The following SFMBT2 variants were observed in gnomAD, a reference collection of about 807,000 sequenced individuals.
The protein encoded by SFMBT2 is scm-like with four MBT domains protein 2.
SFMBT2 carries 38 observed loss-of-function variants against 110.1 expected under a neutral mutation model. The ratio of observed to expected loss-of-function variants is 0.35; its 90% CI spans 0.27 to 0.45. The LOEUF is 0.45. SFMBT2 is among the 20% of genes least tolerant of loss of function. The pLI is 1.00. For missense variants in SFMBT2, 1,011 were observed against 1,094.9 expected, an observed-to-expected ratio of 0.92 and a Z score of 1.08; for synonymous variants, 425 against 425.4, an observed-to-expected ratio of 1.00 and a Z score of 0.01.
At position 7,184,421 on chromosome 10, in the gene SFMBT2, C is replaced by T. The variant is rs1173781157; in HGVS notation, c.1808+4203G>A. On this transcript the variant is annotated intron_variant, in intron 16 of 20. Transcript: ENST00000397167. The stretch of plus-strand genomic sequence containing the variant: ...TTGTCTGCCACCATGTGAGATGTGC[C>T]TTTCACCTTCCGCTGTGATTATGAG... 1.3e-5 allele frequency among the ~76,000 whole-genome samples: 2 copies of T among 152,116 alleles called. 1 individual carries two copies. Among genetic ancestry groups the T allele is most frequent in the African/African-American group, 4.8e-5 (2 of 41,428 alleles).
chr10:7,269,707 AGTGTGTGCGTGTGTGTGTGTGTGT>A (rs1194617780), intron 7 of SFMBT2, among the ~76,000 whole-genome samples: 1,481 of 146,410 alleles, frequency 0.01, 9 homozygotes, highest in Middle Eastern at 0.032. Context: ...AAAGCAAGTA[AGTGTGTGCGTGTGTGTGTGTGTGT>A]GTGTGTGTGT....
intron 4 of SFMBT2, among the ~76,000 whole-genome samples, chr10:7,315,038 G>A (rs868629898): frequency 2.8e-4 from 23 of 82,246 alleles, no homozygotes; most frequent in South Asian, 9.0e-4. Flanking sequence ...AAGAAAGAAA[G>A]AGAAAGAAAG....
intron 12 of SFMBT2, chr10:7,204,082 A>G (rs772443125): frequency 2.5e-5 from 6 of 235,400 alleles, no homozygotes; most frequent in Non-Finnish European, 4.2e-5. Context: ...ATTATTGTAC[A>G]CTCAATGTTT....
At chr10:7,309,016 G>A (rs1842773225) in intron 4 of SFMBT2, among the ~76,000 whole-genome samples, 1 of 152,222 alleles carries the variant, frequency 6.6e-6, no homozygotes, top group African/African-American at 2.4e-5. Context: ...AATTTTATGT[G>A]TCAACTTGAC....
intron 11 of SFMBT2, among the ~76,000 whole-genome samples, chr10:7,213,000 C>T (rs772641614): frequency 4.6e-5 from 7 of 151,984 alleles, no homozygotes; most frequent in Non-Finnish European, 7.4e-5. Context: ...AAACACTGTA[C>T]GTTCTCACTC....
chr10:7,204,093 T>C, intron 12 of SFMBT2: 2 of 229,692 alleles, frequency 8.7e-6, no homozygotes, highest in Non-Finnish European at 1.4e-5. Flanking sequence ...CTCAATGTTT[T>C]AGAAATATTT....
At chr10:7,222,583 C>G (rs1378348762) in intron 10 of SFMBT2, among the ~76,000 whole-genome samples, 1 of 152,076 alleles carries the variant, frequency 6.6e-6, no homozygotes, top group African/African-American at 2.4e-5. Flanking sequence ...TGTTAATTAC[C>G]TAACACAAAC....
chr10:7,381,012 G>A lies in SFMBT2; in HGVS notation c.100+787C>T, dbSNP rs568253930. ...TGCAGTGAGCCATGATTGCACCACCGTACTCCAACCTGGGCAACAGGTGAG... is the reference window on the plus strand; with the variant it reads ...TGCAGTGAGCCATGATTGCACCACCATACTCCAACCTGGGCAACAGGTGAG... On this transcript the variant is annotated intron_variant, in intron 2 of 20. Transcript: ENST00000397167. 4.0e-4 allele frequency among the ~76,000 whole-genome samples: 61 copies of A among 152,112 alleles called. No individual in the cohort carries two copies. The Middle Eastern group carries it at 0.01, about 26-fold the overall frequency.
chr10:7,342,396 CTTTTTTTTTTTTTTT>C (rs71382101), intron 4 of SFMBT2, among the ~76,000 whole-genome samples: 11 of 69,664 alleles, frequency 1.6e-4, no homozygotes, highest in South Asian at 1.5e-3. Flanking sequence ...TGGAGTGAGT[CTTTTTTTTTTTTTTT>C]TTTTTTTTTT....
intron 7 of SFMBT2, among the ~76,000 whole-genome samples, chr10:7,272,943 C>A (rs988065043): frequency 6.6e-6 from 1 of 152,200 alleles, no homozygotes; most frequent in African/African-American, 2.4e-5. Flanking sequence ...CAGATGCATG[C>A]CACCATGCCC....
Position 7,163,739 on chromosome 10 carries a change from A to C in SFMBT2, c.*31T>G. 1 of 1,598,818 alleles carries C rather than the reference A, an allele frequency of 6.3e-7. No homozygotes were observed. The highest frequency in any genetic ancestry group is 8.6e-7 in the Non-Finnish European group (1 of 1,167,690). On this transcript the variant is annotated 3_prime_UTR_variant, in exon 21 of 21. Transcript: ENST00000397167. This position sits in a 1 kb window ranked among gnomAD's most constrained non-coding sequence, Gnocchi z 4.8. ...GAAACCTTTACCAACACCGCATCCCAGCAATAATGGGCCACCTCCCGAGGG... is the reference window on the plus strand; with the variant it reads ...GAAACCTTTACCAACACCGCATCCCCGCAATAATGGGCCACCTCCCGAGGG...
intron 15 of SFMBT2, among the ~76,000 whole-genome samples, chr10:7,192,836 A>T (rs1006128772): frequency 6.6e-6 from 1 of 152,258 alleles, no homozygotes; most frequent in Admixed American, 6.5e-5. Context: ...GGCACACCGC[A>T]TTCTGGTTCA....
Position 7,170,274 on chromosome 10 carries a change from AT to A in SFMBT2, c.2544+653del, listed in dbSNP as rs995107149. ...TGGAGCTGAAGAAGCTGCAACCCAGATTTGCCAAAAGGCACTGACAGGAGGC... is the reference window on the plus strand; with the variant it reads ...TGGAGCTGAAGAAGCTGCAACCCAGATTGCCAAAAGGCACTGACAGGAGGC... On this transcript the variant is annotated intron_variant, in intron 20 of 20. Coordinates refer to ENST00000397167, the MANE Select transcript of SFMBT2 (RefSeq NM_001387889.1). This position sits in a 1 kb window ranked among gnomAD's most constrained non-coding sequence, Gnocchi z 4.6. 6.6e-5 allele frequency among the ~76,000 whole-genome samples: 10 copies of A among 152,220 alleles called. No individual in the cohort carries two copies. In the East Asian group the frequency reaches 1.4e-3, roughly 21 times the overall value.
intron 11 of SFMBT2, among the ~76,000 whole-genome samples, chr10:7,212,602 G>A (rs745953135): frequency 2.6e-5 from 4 of 152,162 alleles, no homozygotes; most frequent in Non-Finnish European, 5.9e-5. Context: ...TGACTACTAC[G>A]TGCTAACATG....
intron 15 of SFMBT2, among the ~76,000 whole-genome samples, chr10:7,196,577 C>T (rs913585537): frequency 2.0e-5 from 3 of 152,220 alleles, no homozygotes; most frequent in Non-Finnish European, 2.9e-5. Flanking sequence ...GCAGGAAACC[C>T]CAACAGGCAG....
At chr10:7,274,153 C>T (rs757334004) in intron 7 of SFMBT2, among the ~76,000 whole-genome samples, 1 of 152,188 alleles carries the variant, frequency 6.6e-6, no homozygotes. Flanking sequence ...CATGCTGCAA[C>T]TTCAGTAGAA....
chr10:7,379,383 T>C (rs1233312075), intron 2 of SFMBT2, among the ~76,000 whole-genome samples: 2 of 152,052 alleles, frequency 1.3e-5, no homozygotes, highest in East Asian at 3.9e-4. Flanking sequence ...AATAAACTAC[T>C]TGTAGAATCA....
At chr10:7,375,198 T>A in intron 2 of SFMBT2, among the ~76,000 whole-genome samples, 1 of 152,178 alleles carries the variant, frequency 6.6e-6, no homozygotes, top group East Asian at 1.9e-4. Context: ...GAATATTTCA[T>A]AAGAAACATA....
At chr10:7,190,778 G>A (rs2692797) in intron 15 of SFMBT2, among the ~76,000 whole-genome samples, 42,145 of 152,112 alleles carry the variant, frequency 0.28, 7,255 homozygotes, top group Middle Eastern at 0.42. Context: ...AAACTAATAG[G>A]ACCTTAGGTG....
Sources: gnomAD v4.1 joint callset for allele counts (sites outside exome capture counted in the v4.1 genomes callset) on GRCh38, gnomAD v4.1.1 for gene constraint, Gnocchi (gnomAD v3.1) non-coding constraint, MANE v1.5 for transcripts, NCBI Gene and HGNC (gene_info 2026-07-23, HGNC 2026-07-21) for gene names.